Variants in PROK1 observed in about 807,000 individuals in gnomAD.
The protein encoded by PROK1 is prokineticin 1.
PROK1 carries 10 observed loss-of-function variants against 8.8 expected under a neutral mutation model. The observed-to-expected ratio is 1.13, with a 90% CI of 0.70 to 1.92. The LOEUF (loss-of-function observed/expected upper bound fraction) is 1.92, where lower values mean the gene tolerates loss of function less well. Among genes scored for constraint, PROK1 ranks in the 30% most tolerant of loss-of-function variants. The pLI is 0.00. For synonymous variants in PROK1, 57 were observed against 56.0 expected (o/e 1.02, Z -0.08); for missense variants, 140 against 139.7 (o/e 1.00, Z -0.01).
intron 1 of PROK1, among the ~76,000 whole-genome samples, chr1:110,451,522 A>G (rs1439189801): frequency 6.6e-6 from 1 of 152,208 alleles, no homozygotes; most frequent in Non-Finnish European, 1.5e-5. Context: ...TCCTGTTTTC[A>G]ATGTGTTAGC....
At chr1:110,452,677 C>T (rs548176522) in intron 1 of PROK1, among the ~76,000 whole-genome samples, 3 of 152,278 alleles carry the variant, frequency 2.0e-5, no homozygotes, top group African/African-American at 7.2e-5. Context: ...GAGAACAGGG[C>T]AGTAAGGGGA....
chr1:110,455,269 A>G (rs1466613785), intron 2 of PROK1, among the ~76,000 whole-genome samples: 3 of 152,184 alleles, frequency 2.0e-5, no homozygotes, highest in Non-Finnish European at 2.9e-5. Flanking sequence ...ACATTCCTGA[A>G]CACAGGCTTT....
Position 110,456,430 on chromosome 1 carries a change from C to G in PROK1, c.*79C>G. On this transcript the variant is annotated 3_prime_UTR_variant, in exon 3 of 3. Coordinates refer to ENST00000271331, the MANE Select transcript of PROK1 (RefSeq NM_032414.3). ...TTTTTATTTCTGCCATGAAACCCAG[C>G]TCCCATGACTCTCCCAGTCCCTACA... is the stretch of plus-strand genomic sequence containing the variant. 1 of 1,560,426 alleles carries G rather than the reference C, an allele frequency of 6.4e-7. No individual in the cohort carries two copies. The highest frequency in any genetic ancestry group is 8.8e-7 in the Non-Finnish European group (1 of 1,140,680).
chr1:110,454,009 A>C lies in PROK1; in HGVS notation c.121A>C (p.Ser41Arg), dbSNP rs1462136226. The C allele has an allele frequency of 1.2e-6, 2 of 1,614,226 alleles. No individual in the cohort carries two copies. Among genetic ancestry groups the C allele is most frequent in the Non-Finnish European group, 1.7e-6 (2 of 1,180,020 alleles). ...QCGAGTCCAI[S>R]LWLRGLRMCT... ...TGGGGCAGGCACCTGCTGTGCCATC[A>C]GCCTGTGGCTTCGAGGGCTGCGGAT... The change falls in exon 2 of 3, where the codon AGC becomes CGC. Residue 41 changes from serine to arginine, a missense_variant. By Grantham distance (110) the Ser-to-Arg change is moderately radical. Transcript: ENST00000271331.
chr1:110,451,799 T>G (rs1484326370), intron 1 of PROK1, among the ~76,000 whole-genome samples: 1 of 152,174 alleles, frequency 6.6e-6, no homozygotes, highest in African/African-American at 2.4e-5. Context: ...AAAGGATATC[T>G]TTGAAACTCT....
intron 1 of PROK1, among the ~76,000 whole-genome samples, chr1:110,453,115 G>T (rs1483749188): frequency 6.6e-6 from 1 of 152,162 alleles, no homozygotes; most frequent in Non-Finnish European, 1.5e-5. Context: ...GGCTTTTATT[G>T]GAGAAGAGTG....
Position 110,451,253 on chromosome 1 carries a change from C to T in PROK1, c.37C>T (p.Leu13=), listed in dbSNP as rs376619747. ...CACGCGAGTCTCAATCATGCTCCTC[C>T]TAGTAACTGTGTCTGACTGTGCTGT... ...GATRVSIMLL[L]VTVSDCAVIT... The change falls in exon 1 of 3, where the codon CTA becomes TTA. Residue 13 remains leucine (L), a synonymous_variant. Coordinates refer to ENST00000271331, the MANE Select transcript of PROK1 (RefSeq NM_032414.3). The T allele has an allele frequency of 7.6e-5, 123 of 1,614,046 alleles. No individual in the cohort carries two copies. The highest frequency in any genetic ancestry group is 1.0e-4 in the Non-Finnish European group (120 of 1,180,030).
At position 110,456,231 on chromosome 1, in the gene PROK1, G is replaced by C; in HGVS notation, c.199-1G>C. The C allele has an allele frequency of 2.5e-6, 4 of 1,612,152 alleles. No homozygotes were observed. Among genetic ancestry groups the C allele is most frequent in the Non-Finnish European group, 8.5e-7 (1 of 1,179,990 alleles). The stretch of plus-strand genomic sequence containing the variant: ...AAGGTGTTGATTTCTTCTCTCCTTA[G>C]GTCCCCTTCTTCAGGAAACGCAAGC... On this transcript the variant is annotated splice_acceptor_variant, in intron 2 of 2. Coordinates refer to ENST00000271331, the MANE Select transcript of PROK1 (RefSeq NM_032414.3). LOFTEE classifies it high-confidence loss of function.
intron 1 of PROK1, among the ~76,000 whole-genome samples, chr1:110,452,910 C>G (rs934691279): frequency 6.6e-6 from 1 of 152,206 alleles, no homozygotes; most frequent in African/African-American, 2.4e-5. Context: ...TACCCCAACC[C>G]CAAGCTTTTG....
Position 110,456,271 on chromosome 1 carries a change from T to TG in PROK1, c.239dup (p.Cys80TrpfsTer41), listed in dbSNP as rs750008855. The stretch of plus-strand genomic sequence containing the variant: ...GAAACGCAAGCACCACACCTGTCCT[T>TG]GCTTGCCCAACCTGCTGTGCTCCAG... On this transcript the variant is annotated frameshift_variant, in exon 3 of 3. Transcript: ENST00000271331. LOFTEE classifies it high-confidence loss of function. 6.2e-7 allele frequency: 1 copy of TG among 1,613,826 alleles called. No homozygotes were observed. Among genetic ancestry groups the TG allele is most frequent in the African/African-American group, 1.3e-5 (1 of 74,906 alleles).
intron 2 of PROK1, among the ~76,000 whole-genome samples, chr1:110,455,934 T>C (rs1226785235): frequency 6.6e-6 from 1 of 152,130 alleles, no homozygotes; most frequent in Non-Finnish European, 1.5e-5. Flanking sequence ...AATGGACATG[T>C]GTGTGCGTGT....
At position 110,456,520 on chromosome 1, in the gene PROK1, A is replaced by G; in HGVS notation, c.*169A>G. On this transcript the variant is annotated 3_prime_UTR_variant, in exon 3 of 3. Coordinates refer to ENST00000271331, the MANE Select transcript of PROK1 (RefSeq NM_032414.3). ...CACACAGGCAGACATACCTCCCATC[A>G]TGACATGGTCCCCAGGCTGGCCTGA... 3.5e-6 allele frequency: 3 copies of G among 847,598 alleles called. No homozygotes were observed. The South Asian group carries it at 4.4e-5, about 13-fold the overall frequency. The allele number at this position is 847,598 out of a possible 1,614,324, so 52.5% of individuals were successfully genotyped here.
At position 110,453,319 on chromosome 1, in the gene PROK1, AATGGT is replaced by A. The variant is rs369337675; in HGVS notation, c.73-640_73-636del. 2.4e-3 allele frequency among the ~76,000 whole-genome samples: 368 copies of A among 152,236 alleles called. 2 individuals are homozygous for A. Among genetic ancestry groups the A allele is most frequent in the African/African-American group, 8.5e-3 (351 of 41,528 alleles). ...CTTATTTAATGTGGCCTTCTTTACAAATGGTACCTTCCCCAAACCAGGCAGGGCCG... is the reference window on the plus strand; with the variant it reads ...CTTATTTAATGTGGCCTTCTTTACAAACCTTCCCCAAACCAGGCAGGGCCG... On this transcript the variant is annotated intron_variant, in intron 1 of 2. Coordinates refer to ENST00000271331, the MANE Select transcript of PROK1 (RefSeq NM_032414.3).
At chr1:110,454,150 T>A (rs571070891) in intron 2 of PROK1, 64 bp downstream of exon 2, 2 of 1,580,520 alleles carry the variant, frequency 1.3e-6, no homozygotes, top group South Asian at 2.3e-5. Context: ...CAGAGGGTGA[T>A]GTCCTGGGGC....
At chr1:110,452,027 T>C (rs780753294) in intron 1 of PROK1, among the ~76,000 whole-genome samples, 1 of 152,160 alleles carries the variant, frequency 6.6e-6, no homozygotes, top group African/African-American at 2.4e-5. Context: ...CACCTTCAAA[T>C]AGGGGCACAT....
intron 1 of PROK1, among the ~76,000 whole-genome samples, chr1:110,452,127 A>T (rs1664096752): frequency 6.6e-6 from 1 of 152,224 alleles, no homozygotes; most frequent in Non-Finnish European, 1.5e-5. Context: ...TGGAAGAAAA[A>T]GGTCGGGGAA....
chr1:110,452,316 C>T (rs998696333), intron 1 of PROK1, among the ~76,000 whole-genome samples: 7 of 152,076 alleles, frequency 4.6e-5, no homozygotes, highest in Non-Finnish European at 1.0e-4. Context: ...ATATTAAAGG[C>T]GAGTCAAATG....
Position 110,454,051 on chromosome 1 carries a change from C to A in PROK1, c.163C>A (p.Arg55=), listed in dbSNP as rs141461032. ...GCTGCGGATGTGCACCCCGCTGGGG[C>A]GGGAAGGCGAGGAGTGCCACCCCGG... ...RGLRMCTPLG[R]EGEECHPGSH... Residue 55 remains arginine (R), a synonymous_variant, in exon 2 of 3, where the codon CGG becomes AGG. Transcript: ENST00000271331. The A allele has an allele frequency of 4.1e-4, 669 of 1,613,892 alleles. No individual in the cohort carries two copies. The highest frequency in any genetic ancestry group is 5.2e-4 in the Non-Finnish European group (613 of 1,179,982).
chr1:110,452,566 G>A (rs1173198742), intron 1 of PROK1, among the ~76,000 whole-genome samples: 1 of 152,214 alleles, frequency 6.6e-6, no homozygotes, highest in Non-Finnish European at 1.5e-5. Flanking sequence ...CAGCAGGGCA[G>A]GCAGATCTGA....
Sources: allele counts gnomAD v4.1 joint callset (sites outside exome capture counted in the v4.1 genomes callset), GRCh38; gene constraint gnomAD v4.1.1; transcripts MANE v1.5; gene names NCBI Gene and HGNC (gene_info 2026-07-23, HGNC 2026-07-21).